The following PRKN variants were observed in gnomAD, a reference collection of about 807,000 sequenced individuals.
PRKN encodes parkin RBR E3 ubiquitin protein ligase.
PRKN carries 56 observed loss-of-function variants against 59.5 expected under a neutral mutation model. The observed-to-expected ratio is 0.94, with a 90% confidence interval of 0.76 to 1.18. PRKN has a LOEUF of 1.18. PRKN is among the 50% of genes most tolerant of loss of function. The pLI, the probability that PRKN is intolerant of heterozygous loss-of-function variation, is 0.00. For synonymous variants in PRKN, 250 were observed against 222.1 expected (o/e 1.13, Z -1.12); for missense variants, 657 against 596.4 (o/e 1.10, Z -1.06).
intron 4 of PRKN, among the ~76,000 whole-genome samples, chr6:162,101,223 C>T (rs1465703221): frequency 5.3e-5 from 8 of 151,858 alleles, no homozygotes; most frequent in African/African-American, 9.7e-5. Flanking sequence ...CTTACATTTA[C>T]AGCTTTAATC....
chr6:161,895,547 G>A (rs1190805479), intron 6 of PRKN, among the ~76,000 whole-genome samples: 3 of 104,300 alleles, frequency 2.9e-5, no homozygotes, highest in African/African-American at 1.2e-4. Context: ...TGAGATTCAG[G>A]AGCACGCCCA....
chr6:161,569,123 G>A (rs1780767764), intron 8 of PRKN, among the ~76,000 whole-genome samples: 1 of 152,214 alleles, frequency 6.6e-6, no homozygotes, highest in South Asian at 2.1e-4. Context: ...TGAGTCTTGA[G>A]ATGAAATGCA....
At chr6:161,565,363 T>C (rs889696927) in intron 8 of PRKN, among the ~76,000 whole-genome samples, 25 of 152,106 alleles carry the variant, frequency 1.6e-4, no homozygotes, top group Non-Finnish European at 3.7e-4. Flanking sequence ...AATTTCATTA[T>C]CCTCTCCTGA....
intron 4 of PRKN, among the ~76,000 whole-genome samples, chr6:162,194,527 T>C (rs1460609696): frequency 6.6e-6 from 1 of 152,194 alleles, no homozygotes; most frequent in African/African-American, 2.4e-5. Flanking sequence ...TTCCTTCTAC[T>C]GGCTGATACT....
chr6:162,535,022 C>T (rs1195221497), intron 1 of PRKN, among the ~76,000 whole-genome samples: 1 of 152,022 alleles, frequency 6.6e-6, no homozygotes, highest in African/African-American at 2.4e-5. Flanking sequence ...AGTCCTCTTC[C>T]ATCCCCAGTC....
chr6:161,596,202 C>A (rs1023709806), intron 7 of PRKN, among the ~76,000 whole-genome samples: 3 of 152,120 alleles, frequency 2.0e-5, no homozygotes, highest in Non-Finnish European at 4.4e-5. Context: ...CAGAACGCAA[C>A]TGCCTTTGCT....
At position 162,087,862 on chromosome 6, in the gene PRKN, G is replaced by A. The variant is rs541699704; in HGVS notation, c.535-33688C>T. On this transcript the variant is annotated intron_variant, in intron 4 of 11. Coordinates refer to ENST00000366898, the MANE Select transcript of PRKN (RefSeq NM_004562.3). ...CCGCCTCAGCCTCCCAAAGTGCTGG[G>A]ATTACAGGCATGAGTCACTGCGCCC... is the stretch of plus-strand genomic sequence containing the variant. 2.0e-5 allele frequency among the ~76,000 whole-genome samples: 3 copies of A among 152,248 alleles called. No homozygotes were observed. The East Asian group carries it at 5.8e-4, about 30-fold the overall frequency.
intron 6 of PRKN, among the ~76,000 whole-genome samples, chr6:161,959,337 G>A (rs542776106): frequency 1.3e-5 from 2 of 151,992 alleles, no homozygotes; most frequent in African/African-American, 2.4e-5. Flanking sequence ...TTTTCCCTTT[G>A]CAGGCCTCGG....
At chr6:161,817,720 T>C (rs1000252559) in intron 6 of PRKN, among the ~76,000 whole-genome samples, 4 of 152,172 alleles carry the variant, frequency 2.6e-5, no homozygotes, top group Admixed American at 2.6e-4. Flanking sequence ...TTGGTTTATA[T>C]AGACTAAGTT....
chr6:161,677,400 A>G (rs1785127196), intron 7 of PRKN, among the ~76,000 whole-genome samples: 1 of 152,244 alleles, frequency 6.6e-6, no homozygotes, highest in South Asian at 2.1e-4. Flanking sequence ...TATCACAAAT[A>G]GAAATGCGGA....
At chr6:162,077,374 G>A (rs568455796) in intron 4 of PRKN, among the ~76,000 whole-genome samples, 39 of 152,202 alleles carry the variant, frequency 2.6e-4, no homozygotes, top group African/African-American at 8.9e-4. Context: ...TTCGCACAAT[G>A]ACAAAATCAC....
At chr6:161,455,202 C>G (rs1440231719) in intron 9 of PRKN, among the ~76,000 whole-genome samples, 6 of 151,990 alleles carry the variant, frequency 3.9e-5, no homozygotes, top group Admixed American at 3.9e-4. Flanking sequence ...CCATGCCCGA[C>G]TAATTTTTGT....
chr6:162,079,291 C>G (rs80277838), intron 4 of PRKN, among the ~76,000 whole-genome samples: 1,808 of 152,266 alleles, frequency 0.012, 44 homozygotes, highest in African/African-American at 0.041. Context: ...AGCAACACTA[C>G]AGACAGAATA....
At chr6:162,088,428 A>T (rs930045365) in intron 4 of PRKN, among the ~76,000 whole-genome samples, 2 of 152,130 alleles carry the variant, frequency 1.3e-5, no homozygotes, top group Admixed American at 6.6e-5. Context: ...TATTTTGTCA[A>T]TTTTCTAAGC....
At chr6:161,427,531 A>C (rs1370191190) in intron 9 of PRKN, among the ~76,000 whole-genome samples, 1 of 152,120 alleles carries the variant, frequency 6.6e-6, no homozygotes, top group Non-Finnish European at 1.5e-5. Flanking sequence ...CACTAAACTC[A>C]TGAGGCAATT....
Position 161,546,463 on chromosome 6 carries a change from A to G in PRKN, c.1083+2391T>C, listed in dbSNP as rs936979713. Among the ~76,000 whole-genome samples the G allele has an allele frequency of 3.3e-5, 5 of 152,212 alleles. No homozygotes were observed. The highest frequency in any genetic ancestry group is 7.3e-5 in the Non-Finnish European group (5 of 68,038). On this transcript the variant is annotated intron_variant, in intron 9 of 11. Transcript: ENST00000366898. This position sits in a 1 kb window ranked among gnomAD's most constrained non-coding sequence, Gnocchi z 4.4. Reference sequence around the variant, plus strand: ...CAAAGGGCAATGATGAAATCAATTTATCTCTGCTGAGAAGCCAAAGCAATG... The same window carrying G: ...CAAAGGGCAATGATGAAATCAATTTGTCTCTGCTGAGAAGCCAAAGCAATG...
At chr6:162,241,655 C>T (rs1778995564) in intron 3 of PRKN, among the ~76,000 whole-genome samples, 1 of 151,930 alleles carries the variant, frequency 6.6e-6, no homozygotes, top group Non-Finnish European at 1.5e-5. Context: ...TATAAGCTAC[C>T]CTAAGTTTCT....
chr6:161,774,068 C>CA (rs1418499848), intron 7 of PRKN, among the ~76,000 whole-genome samples: 57 of 152,170 alleles, frequency 3.7e-4, no homozygotes, highest in African/African-American at 1.4e-3. Context: ...TTTCCAAGGC[C>CA]AAAAAGATGA....
intron 1 of PRKN, among the ~76,000 whole-genome samples, chr6:162,472,654 A>ATTT (rs1214037792): frequency 8.5e-6 from 1 of 117,796 alleles, no homozygotes. Flanking sequence ...CGCCCGGCTA[A>ATTT]TTTTTTTTTT....
Sources: allele counts gnomAD v4.1 joint callset (sites outside exome capture counted in the v4.1 genomes callset), GRCh38; gene constraint gnomAD v4.1.1; non-coding constraint Gnocchi (gnomAD v3.1); transcripts MANE v1.5; gene names NCBI Gene and HGNC (gene_info 2026-07-23, HGNC 2026-07-21).